Variants in FCHSD2 observed in about 807,000 individuals in gnomAD.
FCHSD2 encodes FCH and double SH3 domains 2.
FCHSD2 carries 38 observed loss-of-function variants against 108.1 expected under a neutral mutation model. The observed-to-expected ratio is 0.35, with a 90% CI of 0.27 to 0.46. FCHSD2 has a LOEUF of 0.46. FCHSD2 is among the 20% of genes least tolerant of loss of function. The pLI, the probability that FCHSD2 is intolerant of heterozygous loss-of-function variation, is 1.00. For missense variants in FCHSD2, 751 were observed against 897.8 expected (o/e 0.84, Z 2.09); for synonymous variants, 279 against 314.7 (o/e 0.89, Z 1.20).
chr11:73,040,945 T>C (rs1858621435), intron 3 of FCHSD2, among the ~76,000 whole-genome samples: 1 of 152,188 alleles, frequency 6.6e-6, no homozygotes, highest in South Asian at 2.1e-4. Flanking sequence ...GCAACTTTTT[T>C]AGCTCCCACA....
At chr11:73,017,486 T>G in intron 3 of FCHSD2, among the ~76,000 whole-genome samples, 1 of 152,154 alleles carries the variant, frequency 6.6e-6, no homozygotes, top group East Asian at 1.9e-4. Context: ...AACACTACAC[T>G]CTACATGGTA....
intron 9 of FCHSD2, among the ~76,000 whole-genome samples, chr11:72,919,392 T>G (rs1316248676): frequency 6.6e-6 from 1 of 152,194 alleles, no homozygotes; most frequent in East Asian, 1.9e-4. Flanking sequence ...AAAGCTTATC[T>G]CTTTATGTGT....
At chr11:72,903,117 C>A (rs1041797766) in intron 9 of FCHSD2, among the ~76,000 whole-genome samples, 1 of 152,226 alleles carries the variant, frequency 6.6e-6, no homozygotes, top group African/African-American at 2.4e-5. Context: ...TATTTCTCAG[C>A]ACCTTCTTGA....
At chr11:72,978,271 G>C (rs990511789) in intron 8 of FCHSD2, among the ~76,000 whole-genome samples, 35 of 151,392 alleles carry the variant, frequency 2.3e-4, no homozygotes, top group Admixed American at 2.2e-3. Flanking sequence ...TAACAAACCT[G>C]CACATTGTGC....
At chr11:73,094,817 A>G (rs11235654) in intron 2 of FCHSD2, among the ~76,000 whole-genome samples, 26,561 of 152,244 alleles carry the variant, frequency 0.17, 3,059 homozygotes, top group East Asian at 0.48. Context: ...TTATTACAGT[A>G]AATACTGCAA....
intron 12 of FCHSD2, among the ~76,000 whole-genome samples, chr11:72,886,203 G>A (rs2135243229): frequency 6.6e-6 from 1 of 152,266 alleles, no homozygotes; most frequent in South Asian, 2.1e-4. Flanking sequence ...TTATAGGGCT[G>A]CACTATGTCT....
In FCHSD2 at chr11:72,841,499, C is replaced by T. The variant is rs150767189; in HGVS notation, c.2011G>A (p.Asp671Asn). ...QPPSSPYPSP[D>N]KRSSLYFPRS... Reference sequence around the variant, plus strand: ...GGAAAGTACAGGGAGCTCCTCTTATCTGGGCTGGGGTAGGGGCTGCTGGGA... The same window carrying T: ...GGAAAGTACAGGGAGCTCCTCTTATTTGGGCTGGGGTAGGGGCTGCTGGGA... Residue 671 changes from aspartate (D) to asparagine (N), a missense_variant, in exon 18 of 20, where the codon GAT (aspartate) becomes AAT (asparagine). Asp to Asn is a conservative substitution (Grantham distance 23, BLOSUM62 1). Transcript: ENST00000409418. 3.0e-5 allele frequency: 49 copies of T among 1,611,016 alleles called. No homozygotes were observed. The highest frequency in any genetic ancestry group is 1.3e-5 in the African/African-American group (1 of 74,826).
At chr11:72,972,050 T>C (rs556245422) in intron 8 of FCHSD2, among the ~76,000 whole-genome samples, 2 of 152,222 alleles carry the variant, frequency 1.3e-5, no homozygotes, top group Non-Finnish European at 2.9e-5. Flanking sequence ...TGTACCTCAA[T>C]AAAATTGATT....
intron 12 of FCHSD2, among the ~76,000 whole-genome samples, chr11:72,877,676 G>A (rs1350717137): frequency 2.6e-5 from 4 of 152,114 alleles, no homozygotes; most frequent in Non-Finnish European, 5.9e-5. Context: ...TTGTAGTTCT[G>A]AAAGTGCTTA....
chr11:72,947,756 C>CATGCTCA (rs11274372), intron 8 of FCHSD2, among the ~76,000 whole-genome samples: 151,728 of 152,274 alleles, frequency 1, 75,592 homozygotes, highest in East Asian at 1. Context: ...ATAATTTTCT[C>CATGCTCA]ATAAAGAAAA....
intron 10 of FCHSD2, among the ~76,000 whole-genome samples, chr11:72,897,573 C>A (rs1855448615): frequency 6.6e-6 from 1 of 151,998 alleles, no homozygotes; most frequent in African/African-American, 2.4e-5. Context: ...TAGAATCAAT[C>A]CCCCATGGAA....
At chr11:72,879,911 A>G (rs559953086) in intron 12 of FCHSD2, among the ~76,000 whole-genome samples, 10 of 151,756 alleles carry the variant, frequency 6.6e-5, no homozygotes, top group Non-Finnish European at 1.2e-4. Context: ...AGGCCGAACA[A>G]TCGGTTGAAC....
At chr11:73,007,863 T>C (rs1206819311) in intron 4 of FCHSD2, among the ~76,000 whole-genome samples, 5 of 152,210 alleles carry the variant, frequency 3.3e-5, no homozygotes, top group African/African-American at 1.2e-4. Context: ...ATGCAAGATA[T>C]TACCACTGGG....
At chr11:73,009,213 A>C (rs1857806735) in intron 4 of FCHSD2, among the ~76,000 whole-genome samples, 2 of 152,164 alleles carry the variant, frequency 1.3e-5, no homozygotes, top group African/African-American at 4.8e-5. Flanking sequence ...ATCATACTAC[A>C]GGCTGGGTGT....
intron 13 of FCHSD2, among the ~76,000 whole-genome samples, chr11:72,857,356 T>G (rs1861450922): frequency 6.6e-6 from 1 of 152,186 alleles, no homozygotes; most frequent in Non-Finnish European, 1.5e-5. Context: ...TCTTGTCACT[T>G]GACAGAACTT....
At chr11:73,042,733 C>A (rs995833781) in intron 3 of FCHSD2, among the ~76,000 whole-genome samples, 4 of 151,994 alleles carry the variant, frequency 2.6e-5, no homozygotes, top group African/African-American at 4.8e-5. Flanking sequence ...TAATTTTTTT[C>A]ATCAGTGTTT....
chr11:73,069,589 T>C (rs1308841978), intron 3 of FCHSD2, among the ~76,000 whole-genome samples: 2 of 152,084 alleles, frequency 1.3e-5, no homozygotes, highest in Non-Finnish European at 2.9e-5. Flanking sequence ...TCAAACTGGT[T>C]AATTCATCCA....
intron 9 of FCHSD2, among the ~76,000 whole-genome samples, chr11:72,921,433 C>G (rs1406300020): frequency 6.6e-6 from 1 of 152,168 alleles, no homozygotes; most frequent in African/African-American, 2.4e-5. Flanking sequence ...GTTTTTATAT[C>G]AATTACAAAA....
Position 72,843,232 on chromosome 11 carries a change from C to A in FCHSD2, c.1624G>T (p.Ala542Ser). 1.9e-6 allele frequency: 3 copies of A among 1,613,984 alleles called. No homozygotes were observed. The highest frequency in any genetic ancestry group is 2.5e-6 in the Non-Finnish European group (3 of 1,179,886). Residue 542 changes from alanine to serine, a missense_variant, in exon 16 of 20, where the codon GCT (alanine) becomes TCT (serine). Coordinates refer to ENST00000409418, the MANE Select transcript of FCHSD2 (RefSeq NM_014824.3). The part of the protein sequence containing the change: ...SLLSMLQSLA[A>S]LDSRSHTSSN... Reference sequence around the variant, plus strand: ...GACGTGTGTGACCGACTGTCCAAAGCGGCCAGGGACTGCAGCATGCTCAGG... The same window carrying A: ...GACGTGTGTGACCGACTGTCCAAAGAGGCCAGGGACTGCAGCATGCTCAGG...
Sources: gnomAD v4.1 joint callset for allele counts (sites outside exome capture counted in the v4.1 genomes callset) on GRCh38, gnomAD v4.1.1 for gene constraint, MANE v1.5 for transcripts, NCBI Gene and HGNC (gene_info 2026-07-23, HGNC 2026-07-21) for gene names.